PRDM16: variants seen among roughly 807,000 people sequenced by gnomAD.
The protein encoded by PRDM16 is histone-lysine N-methyltransferase PRDM16.
Under a neutral mutation model 110.6 loss-of-function variants are expected in PRDM16, and 23 were observed. The ratio of observed to expected loss-of-function variants is 0.21; its 90% confidence interval spans 0.15 to 0.29. The LOEUF is 0.29. Ranked by LOEUF, PRDM16 falls within the 10% of genes least tolerant of loss-of-function variation. The pLI is 1.00. For synonymous variants in PRDM16, 799 were observed against 781.8 expected (o/e 1.02, Z -0.37); for missense variants, 1,615 against 1,794.3 (o/e 0.90, Z 1.81).
At chr1:3,193,599 A>T (rs1638375018) in intron 2 of PRDM16, among the ~76,000 whole-genome samples, 1 of 152,204 alleles carries the variant, frequency 6.6e-6, no homozygotes, top group African/African-American at 2.4e-5. Flanking sequence ...CAGGCAAGGA[A>T]GGCTCAACCC....
At chr1:3,120,921 C>T (rs1643080355) in intron 1 of PRDM16, among the ~76,000 whole-genome samples, 1 of 152,230 alleles carries the variant, frequency 6.6e-6, no homozygotes, top group Non-Finnish European at 1.5e-5. Flanking sequence ...GGCTCCTCAC[C>T]TTCAGGAGCT....
intron 2 of PRDM16, chr1:3,207,090 G>A (rs1638769303): frequency 1.3e-5 from 2 of 152,248 alleles, no homozygotes; most frequent in Admixed American, 1.3e-4. Context: ...TGGTGTCCTG[G>A]TGCGGGGAGC....
At chr1:3,075,035 G>A (rs1641865562) in intron 1 of PRDM16, among the ~76,000 whole-genome samples, 1 of 152,226 alleles carries the variant, frequency 6.6e-6, no homozygotes, top group Non-Finnish European at 1.5e-5. Flanking sequence ...CCTCTCCCTG[G>A]TCTGACCACT....
In PRDM16 at chr1:3,418,733, G is replaced by A; in HGVS notation, c.2928G>A (p.Glu976=). Residue 976 remains glutamate (E), a synonymous_variant, in exon 12 of 17, where the codon GAG becomes GAA. Coordinates refer to ENST00000270722, the MANE Select transcript of PRDM16 (RefSeq NM_022114.4). The stretch of plus-strand genomic sequence containing the variant: ...GACACCTGAGGACGCACACTGGGGA[G>A]CAGCCGTACAGGTAGGTGCTGCGTG... ...LTRHLRTHTG[E]QPYRCKYCDR... 6.2e-7 allele frequency: 1 copy of A among 1,613,396 alleles called. No homozygotes were observed. Among genetic ancestry groups the A allele is most frequent in the Non-Finnish European group, 8.5e-7 (1 of 1,179,748 alleles).
intron 1 of PRDM16, among the ~76,000 whole-genome samples, chr1:3,074,237 C>G (rs932546778): frequency 1.3e-5 from 2 of 152,194 alleles, no homozygotes; most frequent in Non-Finnish European, 2.9e-5. Flanking sequence ...GCAGGCACCA[C>G]TTTTGAGAGT....
In PRDM16 at chr1:3,390,045, T is replaced by C. The variant is rs886139988; in HGVS notation, c.573+4759T>C. On this transcript the variant is annotated intron_variant, in intron 4 of 16. Coordinates refer to ENST00000270722, the MANE Select transcript of PRDM16 (RefSeq NM_022114.4). The surrounding 1 kb of genome is among the most constrained non-coding windows in gnomAD (Gnocchi z 5.0). ...TGGGTGGTTCTTTCTCCTGTAATTA[T>C]GAACAAATGAGCTGGTTTGAAATGT... Among the ~76,000 whole-genome samples the C allele has an allele frequency of 4.0e-5, 6 of 148,678 alleles. No individual in the cohort carries two copies. Among genetic ancestry groups the C allele is most frequent in the Middle Eastern group, 6.9e-3 (2 of 288 alleles).
chr1:3,205,861 A>C (rs1638741610), intron 2 of PRDM16: 1 of 152,170 alleles, frequency 6.6e-6, no homozygotes, highest in Non-Finnish European at 1.5e-5. Flanking sequence ...CCCAACCCTG[A>C]AGCCGGTGCA....
At chr1:3,393,418 A>G (rs1490156072) in intron 4 of PRDM16, among the ~76,000 whole-genome samples, 1 of 152,236 alleles carries the variant, frequency 6.6e-6, no homozygotes, top group Non-Finnish European at 1.5e-5. Context: ...CGGTCTGAGC[A>G]GGACCCACCG....
At chr1:3,203,061 G>C (rs187427454) in intron 2 of PRDM16, among the ~76,000 whole-genome samples, 58 of 152,274 alleles carry the variant, frequency 3.8e-4, no homozygotes, top group South Asian at 8.3e-4. Flanking sequence ...CTTCATCCCC[G>C]ATGAATTTGC....
intron 2 of PRDM16, among the ~76,000 whole-genome samples, chr1:3,232,596 G>A (rs1479130673): frequency 6.6e-6 from 1 of 152,208 alleles, no homozygotes; most frequent in Non-Finnish European, 1.5e-5. Flanking sequence ...TAAGTGGGAT[G>A]CATGACAAGC....
chr1:3,306,101 C>T (rs1465677316), intron 3 of PRDM16, among the ~76,000 whole-genome samples: 1 of 152,218 alleles, frequency 6.6e-6, no homozygotes, highest in Non-Finnish European at 1.5e-5. Context: ...GCTCTCTGAT[C>T]TCTGCAGCTC....
chr1:3,116,104 T>C lies in PRDM16; in HGVS notation c.37+46808T>C, dbSNP rs1266667227. Among the ~76,000 whole-genome samples the C allele has an allele frequency of 2.0e-5, 3 of 152,080 alleles. No homozygotes were observed. The East Asian group carries it at 5.8e-4, about 29-fold the overall frequency. On this transcript the variant is annotated intron_variant, in intron 1 of 16. Coordinates refer to ENST00000270722, the MANE Select transcript of PRDM16 (RefSeq NM_022114.4). ...CACGGCAGGCGTCAGGTTGAGTCCTTGGGGTTCAGGGAGGTCAAGGTCAGG... is the reference window on the plus strand; with the variant it reads ...CACGGCAGGCGTCAGGTTGAGTCCTCGGGGTTCAGGGAGGTCAAGGTCAGG...
rs144315269 is a variant in PRDM16 at position 3,339,343 on chromosome 1, G to T, written c.439-45809G>T. Among the ~76,000 whole-genome samples, 6 of 152,180 alleles carry T rather than the reference G, an allele frequency of 3.9e-5. No individual in the cohort carries two copies. In the East Asian group the frequency reaches 1.2e-3, roughly 30 times the overall value. ...AGGGTGAGGCACAGGGTGGGCCTCC[G>T]CGCATCCGTGCCCGGAAGCAGGAAC... On this transcript the variant is annotated intron_variant, in intron 3 of 16. Coordinates refer to ENST00000270722, the MANE Select transcript of PRDM16 (RefSeq NM_022114.4). This position sits in a 1 kb window ranked among gnomAD's most constrained non-coding sequence, Gnocchi z 5.0.
At chr1:3,133,191 C>G (rs2100687221) in intron 1 of PRDM16, 1 of 152,400 alleles carries the variant, frequency 6.6e-6, no homozygotes, top group African/African-American at 2.4e-5. Context: ...GCCTGGGAGA[C>G]TCAGGTTCCA....
At chr1:3,204,203 G>C (rs939258571) in intron 2 of PRDM16, among the ~76,000 whole-genome samples, 1 of 152,210 alleles carries the variant, frequency 6.6e-6, no homozygotes, top group African/African-American at 2.4e-5. Context: ...CATCAGAGCA[G>C]ACTTGGCCGC....
intron 2 of PRDM16, among the ~76,000 whole-genome samples, chr1:3,204,910 G>A (rs181575477): frequency 6.3e-4 from 96 of 152,288 alleles, no homozygotes; most frequent in African/African-American, 2.1e-3. Flanking sequence ...GGGGGCCCTC[G>A]CCGGGACAAT....
At chr1:3,174,046 A>G (rs1644058719) in intron 1 of PRDM16, among the ~76,000 whole-genome samples, 1 of 152,168 alleles carries the variant, frequency 6.6e-6, no homozygotes. Flanking sequence ...AAACAACCGA[A>G]GGGTGTGCTC....
At chr1:3,388,490 CAT>C (rs767289073) in intron 4 of PRDM16, among the ~76,000 whole-genome samples, 3 of 152,190 alleles carry the variant, frequency 2.0e-5, no homozygotes, top group Non-Finnish European at 2.9e-5. Flanking sequence ...AGGTTCAAGA[CAT>C]GTGACCTCAG....
chr1:3,114,165 GCA>G (rs778067599), intron 1 of PRDM16, among the ~76,000 whole-genome samples: 26,492 of 128,888 alleles, frequency 0.21, 2,455 homozygotes, highest in Middle Eastern at 0.26. Flanking sequence ...ACACACACAC[GCA>G]CACACACGCA....
Sources: gnomAD v4.1 joint callset for allele counts (sites outside exome capture counted in the v4.1 genomes callset) on GRCh38, gnomAD v4.1.1 for gene constraint, Gnocchi (gnomAD v3.1) non-coding constraint, MANE v1.5 for transcripts, NCBI Gene and HGNC (gene_info 2026-07-23, HGNC 2026-07-21) for gene names.